TBC1D21: variants seen among roughly 807,000 people sequenced by gnomAD.
TBC1D21 encodes the protein TBC1 domain family member 21.
TBC1D21 carries 38 observed loss-of-function variants against 46.0 expected under a neutral mutation model. The observed-to-expected ratio is 0.83, with a 90% CI of 0.64 to 1.08. The LOEUF (loss-of-function observed/expected upper bound fraction) is 1.08, where lower values mean the gene tolerates loss of function less well. TBC1D21 is among the 50% of genes least tolerant of loss of function. The pLI is 0.00. For missense variants in TBC1D21, 415 were observed against 417.9 expected (o/e 0.99, Z 0.06); for synonymous variants, 151 against 157.2 (o/e 0.96, Z 0.29).
chr15:73,877,514 TAAA>T (rs541803630), intron 1 of TBC1D21, among the ~76,000 whole-genome samples: 18 of 72,728 alleles, frequency 2.5e-4, no homozygotes, highest in South Asian at 6.5e-4. Context: ...TCCAGAAAAC[TAAA>T]AAAAAAAAAA....
At chr15:73,889,349 A>C (rs1434554508), downstream of TBC1D21, 4 of 508,562 alleles carry the variant, frequency 7.9e-6, no homozygotes. Flanking sequence ...TGCTTGCTGG[A>C]AGAGACTGGG....
chr15:73,903,914 G>C, the TBC1D21 span, among the ~76,000 whole-genome samples: 3 of 152,306 alleles, frequency 2.0e-5, no homozygotes, highest in East Asian at 5.8e-4. Flanking sequence ...TGGGTGTGGT[G>C]GTGTATGCCT....
Position 73,885,075 on chromosome 15 carries a change from G to C in TBC1D21, c.551G>C (p.Trp184Ser). The change falls in exon 6 of 11, where the codon TGG becomes TCG. Residue 184 changes from tryptophan to serine, a missense_variant. By Grantham distance (177) the Trp-to-Ser change is radical. Coordinates refer to ENST00000300504, the MANE Select transcript of TBC1D21 (RefSeq NM_153356.3). ...LMVEHDHETFWLFQFFLQKTE... is the reference protein window; with the variant it reads ...LMVEHDHETFSLFQFFLQKTE... ...GTGGAGCACGACCACGAGACCTTCTGGCTTTTCCAGTTCTTCCTGCAGAAA... is the reference window on the plus strand; with the variant it reads ...GTGGAGCACGACCACGAGACCTTCTCGCTTTTCCAGTTCTTCCTGCAGAAA... The C allele has an allele frequency of 3.1e-6, 5 of 1,613,244 alleles. No homozygotes were observed. The highest frequency in any genetic ancestry group is 4.2e-6 in the Non-Finnish European group (5 of 1,179,992).
intron 1 of TBC1D21, among the ~76,000 whole-genome samples, chr15:73,879,668 T>G (rs765115698): frequency 6.6e-6 from 1 of 152,232 alleles, no homozygotes. Flanking sequence ...TTAAGTGATT[T>G]GTACGCCAAT....
the TBC1D21 span, among the ~76,000 whole-genome samples, chr15:73,901,367 C>T: frequency 1.3e-5 from 2 of 152,228 alleles, no homozygotes; most frequent in Middle Eastern, 3.2e-3. Context: ...CAGGGAATCA[C>T]CTGCAACTGC....
chr15:73,888,280 A>G, intron 9 of TBC1D21, 150 bp from the exon 10 acceptor site: 1 of 637,060 alleles, frequency 1.6e-6, no homozygotes, highest in Non-Finnish European at 2.8e-6. Context: ...CATTGAGCCA[A>G]GCAGGCTGGG....
chr15:73,887,512 G>T, intron 8 of TBC1D21, 108 bp from the exon 9 acceptor site: 1 of 852,468 alleles, frequency 1.2e-6, no homozygotes, highest in Non-Finnish European at 2.0e-6. Flanking sequence ...CAGCAGCAAG[G>T]CCCAGGAATG....
intron 1 of TBC1D21, among the ~76,000 whole-genome samples, chr15:73,874,292 A>C (rs1209479464): frequency 6.6e-6 from 1 of 152,258 alleles, no homozygotes; most frequent in Non-Finnish European, 1.5e-5. Flanking sequence ...TAAAAATGCA[A>C]AATGGACACT....
Position 73,884,147 on chromosome 15 carries a change from A to T in TBC1D21, c.273-4A>T, listed in dbSNP as rs1246937178. The T allele has an allele frequency of 6.2e-7, 1 of 1,613,370 alleles. No homozygotes were observed. Among genetic ancestry groups the T allele is most frequent in the Non-Finnish European group, 8.5e-7 (1 of 1,179,290 alleles). On this transcript the variant is annotated splice_region_variant and splice_polypyrimidine_tract_variant and intron_variant, in intron 3 of 10. Coordinates refer to ENST00000300504, the MANE Select transcript of TBC1D21 (RefSeq NM_153356.3). ...CTTGTTCAGCCTCAGTTCTGTTCTC[A>T]CAGGAAGAACTACAAGGCCTTATGC...
downstream of TBC1D21, among the ~76,000 whole-genome samples, chr15:73,892,585 A>G (rs534354590): frequency 2.0e-5 from 3 of 152,332 alleles, no homozygotes; most frequent in Admixed American, 6.5e-5. Context: ...CCATACCAGC[A>G]TCTGGAGCTG....
Position 73,884,174 on chromosome 15 carries a change from A to T in TBC1D21, c.296A>T (p.Gln99Leu). The T allele has an allele frequency of 3.7e-6, 6 of 1,614,216 alleles. No homozygotes were observed. The highest frequency in any genetic ancestry group is 4.2e-6 in the Non-Finnish European group (5 of 1,180,020). The change falls in exon 4 of 11, where the codon CAA (glutamine) becomes CTA (leucine). Residue 99 changes from glutamine (Q) to leucine (L), a missense_variant. Physicochemically the swap from Gln to Leu is moderately radical, Grantham distance 113. Transcript: ENST00000300504. Reference protein sequence around the residue: ...MRRKNYKALCQMYEKIQPLLE... With the variant: ...MRRKNYKALCLMYEKIQPLLE... ...AGGAAGAACTACAAGGCCTTATGCC[A>T]AATGTATGAGAAGATTCAGCCCCTT...
intron 6 of TBC1D21, 53 bp from the exon 7 acceptor site, chr15:73,886,025 C>G (rs1243744752): frequency 5.3e-6 from 8 of 1,521,086 alleles, no homozygotes; most frequent in African/African-American, 4.1e-5. Context: ...GTTGACTCTT[C>G]CGGTGCCTTG....
chr15:73,879,889 T>A (rs1246197795), intron 1 of TBC1D21, among the ~76,000 whole-genome samples: 1 of 151,902 alleles, frequency 6.6e-6, no homozygotes, highest in African/African-American at 2.4e-5. Context: ...GTTGTTGTTG[T>A]TGTTGTTGTT....
chr15:73,889,263 A>G (rs1391701081), downstream of TBC1D21: 9 of 816,308 alleles, frequency 1.1e-5, no homozygotes, highest in South Asian at 4.8e-5. Context: ...TGGGACGCAC[A>G]TGAGGGCTGA....
intron 7 of TBC1D21, 91 bp downstream of exon 7, chr15:73,886,265 G>T: frequency 1.8e-6 from 2 of 1,142,770 alleles, no homozygotes; most frequent in Admixed American, 1.8e-5. Flanking sequence ...TCATGGGGGG[G>T]CTGGAGAGCA....
intron 6 of TBC1D21, 123 bp from the exon 7 acceptor site, chr15:73,885,955 A>C: frequency 4.2e-6 from 3 of 706,320 alleles, no homozygotes; most frequent in Non-Finnish European, 7.5e-6. Context: ...TCATAGAGAC[A>C]TGGGCCCAGC....
Position 73,887,620 on chromosome 15 carries a change from G to T in TBC1D21, c.778G>T (p.Val260Phe), listed in dbSNP as rs767341121. 2 of 1,613,858 alleles carry T rather than the reference G, an allele frequency of 1.2e-6. No homozygotes were observed. Among genetic ancestry groups the T allele is most frequent in the Admixed American group, 1.7e-5 (1 of 60,020 alleles). The change falls in exon 9 of 11, where the codon GTT becomes TTT. Residue 260 changes from valine to phenylalanine, a missense_variant and splice_region_variant. By Grantham distance (50) the Val-to-Phe change is conservative. Transcript: ENST00000300504. ...CAGACTGAGACGTCCTGACCCACAGGTTCTGCTGACGGGGAAGCCCTGCAG... is the reference window on the plus strand; with the variant it reads ...CAGACTGAGACGTCCTGACCCACAGTTTCTGCTGACGGGGAAGCCCTGCAG... ...SFDDVWRLWE[V>F]LLTGKPCRNF...
chr15:73,885,548 C>T (rs576439022), intron 6 of TBC1D21, among the ~76,000 whole-genome samples: 1 of 152,230 alleles, frequency 6.6e-6, no homozygotes, highest in East Asian at 1.9e-4. Flanking sequence ...CAATAGTCCC[C>T]AGGGGCTCCC....
chr15:73,888,582 T>TTCCTCCTCCTCCTCC (rs765267990), intron 10 of TBC1D21, 69 bp downstream of exon 10: 13 of 823,856 alleles, frequency 1.6e-5, no homozygotes, highest in Non-Finnish European at 2.2e-5. Flanking sequence ...CCTCCTCCTC[T>TTCCTCCTCCTCCTCC]TCCTCCTCCT....
Sources: gnomAD v4.1 joint callset for allele counts (sites outside exome capture counted in the v4.1 genomes callset) on GRCh38, gnomAD v4.1.1 for gene constraint, MANE v1.5 for transcripts, NCBI Gene and HGNC (gene_info 2026-07-23, HGNC 2026-07-21) for gene names.